Variants in ARHGEF15 observed in about 807,000 individuals in gnomAD.
ARHGEF15 encodes the protein Rho guanine nucleotide exchange factor 15.
A neutral mutation model predicts 79.7 loss-of-function variants in ARHGEF15; 58 were observed. The observed-to-expected ratio is 0.73, with a 90% CI of 0.59 to 0.91. The LOEUF (loss-of-function observed/expected upper bound fraction) is 0.91. Ranked by LOEUF, ARHGEF15 falls within the 40% of genes least tolerant of loss-of-function variation. The pLI is 0.00. For missense variants in ARHGEF15, 1,012 were observed against 1,108.1 expected, an observed-to-expected ratio of 0.91 and a Z score of 1.23; for synonymous variants, 442 against 456.0, an observed-to-expected ratio of 0.97 and a Z score of 0.39.
intron 1 of ARHGEF15, 118 bp from the exon 2 acceptor site, chr17:8,311,873 C>T (rs111507356): frequency 0.013 from 8,207 of 618,236 alleles, 82 homozygotes; most frequent in Middle Eastern, 0.026. Flanking sequence ...TTTATGGATT[C>T]TCTGGAACCC....
In ARHGEF15 at chr17:8,312,144, G is replaced by A; in HGVS notation, c.105G>A (p.Gly35=). 1.3e-6 allele frequency: 2 copies of A among 1,591,868 alleles called. No individual in the cohort carries two copies. Among genetic ancestry groups the A allele is most frequent in the African/African-American group, 2.8e-5 (2 of 71,556 alleles). ...GTTCCAGGGCTGCCCAGTCCCCAGGGCCTCCCCACAATGGCTCCTCTCCAC... is the reference window on the plus strand; with the variant it reads ...GTTCCAGGGCTGCCCAGTCCCCAGGACCTCCCCACAATGGCTCCTCTCCAC... The part of the protein sequence containing the change: ...PSRSRAAQSP[G]PPHNGSSPQE... Residue 35 remains glycine (G), a synonymous_variant, in exon 2 of 16, where the codon GGG becomes GGA. Coordinates refer to ENST00000361926, the MANE Select transcript of ARHGEF15 (RefSeq NM_173728.4).
chr17:8,318,956 G>A lies in ARHGEF15; in HGVS notation c.2033+46G>A, dbSNP rs1358194044. On this transcript the variant is annotated intron_variant, in intron 12 of 15. Transcript: ENST00000361926. This position sits in a 1 kb window ranked among gnomAD's most constrained non-coding sequence, Gnocchi z 5.0. ...GAGCCCAGGCTGGAGTGGGCAGGAG[G>A]GGTCCAGCGGGACCCCTGCTGTCCT... 1 of 1,608,674 alleles carries A rather than the reference G, an allele frequency of 6.2e-7. No homozygotes were observed. Among genetic ancestry groups the A allele is most frequent in the South Asian group, 1.1e-5 (1 of 90,842 alleles).
At position 8,319,518 on chromosome 17, in the gene ARHGEF15, T is replaced by C; in HGVS notation, c.2289T>C (p.Cys763=). The C allele has an allele frequency of 6.2e-7, 1 of 1,608,784 alleles. No homozygotes were observed. Among genetic ancestry groups the C allele is most frequent in the Non-Finnish European group, 8.5e-7 (1 of 1,177,950 alleles). ...YEDCDCSQEL[C]SESSAPAKTE... ...AACCAGACTGTTCCCAGGAACTGTGTTCAGAGTCGTCTGCACCTGCCAAGA... is the reference window on the plus strand; with the variant it reads ...AACCAGACTGTTCCCAGGAACTGTGCTCAGAGTCGTCTGCACCTGCCAAGA... The change falls in exon 15 of 16, where the codon TGT becomes TGC. Residue 763 remains cysteine (C), a synonymous_variant. Transcript: ENST00000361926.
At chr17:8,319,903 G>A (rs535863907) in intron 15 of ARHGEF15, among the ~76,000 whole-genome samples, 1 of 151,622 alleles carries the variant, frequency 6.6e-6, no homozygotes. Context: ...AAAGTGCTGG[G>A]ATTACAGGCA....
chr17:8,315,348 A>C lies in ARHGEF15; in HGVS notation c.1261-66A>C. On this transcript the variant is annotated intron_variant, in intron 6 of 15. Transcript: ENST00000361926. The surrounding 1 kb of genome is among the most constrained non-coding windows in gnomAD (Gnocchi z 4.3). ...CTGCATGGGTCAGGCATAGGGGAGG[A>C]GGGCCCAGGGTCCTAGCTTCCCACG... 6.2e-7 allele frequency: 1 copy of C among 1,610,808 alleles called. No homozygotes were observed. The highest frequency in any genetic ancestry group is 8.5e-7 in the Non-Finnish European group (1 of 1,178,162).
chr17:8,318,543 G>A lies in ARHGEF15; in HGVS notation c.1780-27G>A. ...TAGGGAGCAGGGGGCTGGCCGCTGG[G>A]GTGGTGACACAGCTCCCCTTACCTA... is the stretch of plus-strand genomic sequence containing the variant. On this transcript the variant is annotated intron_variant, in intron 10 of 15. Coordinates refer to ENST00000361926, the MANE Select transcript of ARHGEF15 (RefSeq NM_173728.4). The surrounding 1 kb of genome is among the most constrained non-coding windows in gnomAD (Gnocchi z 5.0). 1 of 1,612,780 alleles carries A rather than the reference G, an allele frequency of 6.2e-7. No homozygotes were observed. Among genetic ancestry groups the A allele is most frequent in the South Asian group, 1.1e-5 (1 of 90,998 alleles).
In ARHGEF15 at chr17:8,320,700, C is replaced by T. The variant is rs898514625; in HGVS notation, c.2375-142C>T. On this transcript the variant is annotated intron_variant, in intron 15 of 15. Transcript: ENST00000361926. The stretch of plus-strand genomic sequence containing the variant: ...TGCTGTCACCTCCACTTCTGATGCC[C>T]TTTCTACCGATGCTCCAGGCTTGTC... The T allele has an allele frequency of 1.1e-5, 8 of 726,854 alleles. No homozygotes were observed. The African/African-American group carries it at 1.4e-4, about 13-fold the overall frequency. The allele number at this position is 726,854 out of a possible 1,614,324, so 45.0% of individuals were successfully genotyped here.
chr17:8,313,188 GCCA>G lies in ARHGEF15; in HGVS notation c.872_874del (p.Thr291del). ...CAAACCAACTCGTGTCAGGCAGGAT[GCCA>G]CCATTTTCGGGGACCCCCCACAGCC... On this transcript the variant is annotated inframe_deletion, in exon 3 of 16. Transcript: ENST00000361926. 6.2e-7 allele frequency: 1 copy of G among 1,610,164 alleles called. No individual in the cohort carries two copies. The highest frequency in any genetic ancestry group is 1.1e-5 in the South Asian group (1 of 91,084).
At chr17:8,317,005 A>T (rs1015021945) in intron 9 of ARHGEF15, among the ~76,000 whole-genome samples, 2 of 151,630 alleles carry the variant, frequency 1.3e-5, no homozygotes, top group African/African-American at 4.9e-5. Context: ...CTGCTATCGA[A>T]CTCCTGACCT....
At chr17:8,320,407 C>T (rs1441600644) in intron 15 of ARHGEF15, among the ~76,000 whole-genome samples, 3 of 152,088 alleles carry the variant, frequency 2.0e-5, no homozygotes, top group Admixed American at 6.6e-5. Context: ...CTAATTTAGG[C>T]CCATGGTGTC....
At position 8,314,727 on chromosome 17, in the gene ARHGEF15, C is replaced by T. The variant is rs530430557; in HGVS notation, c.990-179C>T. On this transcript the variant is annotated intron_variant, in intron 4 of 15. Transcript: ENST00000361926. ...ACCAGCCTGGGCAACATAACGAGAC[C>T]TTGCCTTTCCCCTTCAAAAAAAAAA... 1.7e-3 allele frequency: 1,088 copies of T among 657,818 alleles called. 22 individuals carry two copies. The South Asian group carries it at 0.023, about 14-fold the overall frequency. The allele number at this position is 657,818 out of a possible 1,614,324, so 40.7% of individuals were successfully genotyped here.
At position 8,319,075 on chromosome 17, in the gene ARHGEF15, C is replaced by A. The variant is rs1360586882; in HGVS notation, c.2102C>A (p.Pro701Gln). Residue 701 changes from proline to glutamine, a missense_variant, in exon 13 of 16, where the codon CCA becomes CAA. Transcript: ENST00000361926. The part of the protein sequence containing the change: ...SLVQAQQVPD[P>Q]SGPPTFRLSL... ...GTCCAGGCCCAGCAGGTTCCGGATC[C>A]ATCTGGACCCCCTACCTTCCGCCTC... The A allele has an allele frequency of 5.6e-6, 9 of 1,613,936 alleles. No individual in the cohort carries two copies. In the East Asian group the frequency reaches 2.0e-4, roughly 36 times the overall value.
rs1567676744 is a variant in ARHGEF15, at chr17:8,315,513, A to AC, written c.1366dup (p.Arg456ProfsTer2). The AC allele has an allele frequency of 3.1e-6, 5 of 1,612,050 alleles. No homozygotes were observed. Among genetic ancestry groups the AC allele is most frequent in the East Asian group, 2.2e-5 (1 of 44,836 alleles). ...GAGCCAGGCACTCCGGGACACGCTC[A>AC]CCCCCCGTGATCACCACACACTCTT... On this transcript the variant is annotated frameshift_variant, in exon 7 of 16. Transcript: ENST00000361926. LOFTEE classifies it high-confidence loss of function. The surrounding 1 kb of genome is among the most constrained non-coding windows in gnomAD (Gnocchi z 4.3).
At chr17:8,312,867 C>A in intron 2 of ARHGEF15, 55 bp from the exon 3 acceptor site, 2 of 1,561,472 alleles carry the variant, frequency 1.3e-6, no homozygotes, top group Admixed American at 1.7e-5. Context: ...ATGGTCTGGG[C>A]GGGGGTGGAG....
Position 8,313,193 on chromosome 17 carries a change from C to T in ARHGEF15, c.873C>T (p.Thr291=). The T allele has an allele frequency of 6.2e-7, 1 of 1,609,336 alleles. No individual in the cohort carries two copies. Among genetic ancestry groups the T allele is most frequent in the Non-Finnish European group, 8.5e-7 (1 of 1,180,002 alleles). ...PKPTRVRQDA[T]IFGDPPQPDL... is the part of the protein sequence containing the mutation. ...CAACTCGTGTCAGGCAGGATGCCACCATTTTCGGGGACCCCCCACAGCCAG... is the reference window on the plus strand; with the variant it reads ...CAACTCGTGTCAGGCAGGATGCCACTATTTTCGGGGACCCCCCACAGCCAG... The change falls in exon 3 of 16, where the codon ACC becomes ACT. Residue 291 remains threonine (T), a synonymous_variant. Coordinates refer to ENST00000361926, the MANE Select transcript of ARHGEF15 (RefSeq NM_173728.4).
In ARHGEF15 at chr17:8,313,189, C is replaced by T. The variant is rs200629405; in HGVS notation, c.869C>T (p.Ala290Val). ...AAACCAACTCGTGTCAGGCAGGATG[C>T]CACCATTTTCGGGGACCCCCCACAG... is the stretch of plus-strand genomic sequence containing the variant. Reference protein sequence around the residue: ...PPKPTRVRQDATIFGDPPQPD... With the variant: ...PPKPTRVRQDVTIFGDPPQPD... Residue 290 changes from alanine (A) to valine (V), a missense_variant, in exon 3 of 16, where the codon GCC (alanine) becomes GTC (valine). Physicochemically the swap from Ala to Val is moderately conservative, Grantham distance 64. Coordinates refer to ENST00000361926, the MANE Select transcript of ARHGEF15 (RefSeq NM_173728.4). 89 of 1,609,712 alleles carry T rather than the reference C, an allele frequency of 5.5e-5. No individual in the cohort carries two copies. Among genetic ancestry groups the T allele is most frequent in the Non-Finnish European group, 3.4e-6 (4 of 1,179,998 alleles).
chr17:8,320,032 A>C lies in ARHGEF15; in HGVS notation c.2374+429A>C, dbSNP rs192905804. Among the ~76,000 whole-genome samples, 358 of 151,046 alleles carry C rather than the reference A, an allele frequency of 2.4e-3. 1 individual carries two copies. Among genetic ancestry groups the C allele is most frequent in the Admixed American group, 5.2e-3 (79 of 15,120 alleles). On this transcript the variant is annotated intron_variant, in intron 15 of 15. Transcript: ENST00000361926. The stretch of plus-strand genomic sequence containing the variant: ...CGAGCTCAAGTGATCCTCCTGCCTC[A>C]GGCTCCCAAAGTGCTGGGATTACAG...
In ARHGEF15 at chr17:8,319,601, A is replaced by C; in HGVS notation, c.2372A>C (p.Glu791Ala). ...CCCAAACACCTGCACAAGACCCCTG[A>C]AGGTGAGAAAGTCTTTCATTTATTT... ...AAPKHLHKTP[E>A]GWLKGLPGAF... Residue 791 changes from glutamate (E) to alanine (A), a missense_variant and splice_region_variant, in exon 15 of 16, where the codon GAA (glutamate) becomes GCA (alanine). Glu to Ala is a moderately radical substitution (Grantham distance 107). Around this residue, in one of 3 missense-constraint regions of ARHGEF15, gnomAD observed 132 missense variants for 124.2 expected, o/e 1.06. Coordinates refer to ENST00000361926, the MANE Select transcript of ARHGEF15 (RefSeq NM_173728.4). The C allele has an allele frequency of 6.4e-7, 1 of 1,555,752 alleles. No homozygotes were observed. The highest frequency in any genetic ancestry group is 1.2e-5 in the South Asian group (1 of 80,844).
rs1431237102 is a variant in ARHGEF15 at position 8,318,714 on chromosome 17, C to CACGCTAGA, written c.1873-33_1873-26dup. ...TTGCCCTGCCCCATGTTGCTGCTGC[C>CACGCTAGA]ACGCTAGAACCTCCTCTGCCTCCGC... is the stretch of plus-strand genomic sequence containing the variant. On this transcript the variant is annotated intron_variant, in intron 11 of 15. Coordinates refer to ENST00000361926, the MANE Select transcript of ARHGEF15 (RefSeq NM_173728.4). The surrounding 1 kb of genome is among the most constrained non-coding windows in gnomAD (Gnocchi z 5.0). The CACGCTAGA allele has an allele frequency of 6.2e-7, 1 of 1,609,776 alleles. No individual in the cohort carries two copies. Among genetic ancestry groups the CACGCTAGA allele is most frequent in the Non-Finnish European group, 8.5e-7 (1 of 1,177,498 alleles).
Sources: allele counts gnomAD v4.1 joint callset (sites outside exome capture counted in the v4.1 genomes callset), GRCh38; gene constraint gnomAD v4.1.1; regional missense constraint gnomAD v4.1.1; non-coding constraint Gnocchi (gnomAD v3.1); transcripts MANE v1.5; gene names NCBI Gene and HGNC (gene_info 2026-07-23, HGNC 2026-07-21).